The following GAB2 variants were observed in gnomAD, a reference collection of about 807,000 sequenced individuals.
The protein encoded by GAB2 is GRB2 associated binding protein 2, also known as GRB2-associated-binding protein 2.
In GAB2, 26 loss-of-function variants were observed where a neutral mutation model predicts 65.5. The observed-to-expected ratio is 0.40, with a 90% CI of 0.29 to 0.55. GAB2 has a LOEUF of 0.55. GAB2 is among the 20% of genes least tolerant of loss of function. The pLI, the probability that GAB2 is intolerant of heterozygous loss-of-function variation, is 0.53. For synonymous variants in GAB2, 321 were observed against 329.6 expected, an observed-to-expected ratio of 0.97 and a Z score of 0.28; for missense variants, 884 against 875.8, an observed-to-expected ratio of 1.01 and a Z score of -0.12.
chr11:78,242,608 A>G (rs1423065186), intron 3 of GAB2, among the ~76,000 whole-genome samples: 1 of 152,242 alleles, frequency 6.6e-6, no homozygotes, highest in Admixed American at 6.5e-5. Context: ...AGCAGTATTA[A>G]TAGAGAAGTT....
At chr11:78,335,922 T>G (rs568209039) in intron 1 of GAB2, among the ~76,000 whole-genome samples, 2 of 152,212 alleles carry the variant, frequency 1.3e-5, no homozygotes, top group Non-Finnish European at 2.9e-5. Flanking sequence ...CAGTGTCTTA[T>G]AGTTTTCATT....
intron 1 of GAB2, among the ~76,000 whole-genome samples, chr11:78,361,199 T>C (rs373379503): frequency 1.3e-5 from 2 of 152,270 alleles, no homozygotes; most frequent in Admixed American, 6.5e-5. Flanking sequence ...CCTCTAAGCA[T>C]AGATCAGGAA....
chr11:78,267,275 A>C (rs1590981597), intron 2 of GAB2, among the ~76,000 whole-genome samples: 1 of 152,206 alleles, frequency 6.6e-6, no homozygotes. Context: ...GCTGGGATGC[A>C]GGGGGCCTGG....
chr11:78,296,901 T>G (rs1866844861), intron 1 of GAB2, among the ~76,000 whole-genome samples: 1 of 152,220 alleles, frequency 6.6e-6, no homozygotes, highest in South Asian at 2.1e-4. Context: ...TTCTAACAGA[T>G]GGTGGAGGGG....
chr11:78,296,827 T>A (rs4627115), intron 1 of GAB2, among the ~76,000 whole-genome samples: 17 of 152,112 alleles, frequency 1.1e-4, no homozygotes, highest in African/African-American at 4.1e-4. Context: ...CAGTCCACAG[T>A]GCTGGAGGCT....
chr11:78,362,731 C>G (rs546287367), intron 1 of GAB2, among the ~76,000 whole-genome samples: 10 of 152,174 alleles, frequency 6.6e-5, no homozygotes, highest in African/African-American at 2.4e-4. Context: ...TTTAAAGATA[C>G]ACCTAAAATA....
chr11:78,390,529 C>T (rs1280343738), intron 1 of GAB2, among the ~76,000 whole-genome samples: 1 of 152,184 alleles, frequency 6.6e-6, no homozygotes, highest in East Asian at 1.9e-4. Flanking sequence ...GCGGAGGTTG[C>T]AGCAAGTCAA....
At chr11:78,347,303 G>T (rs930380396) in intron 1 of GAB2, among the ~76,000 whole-genome samples, 3 of 152,118 alleles carry the variant, frequency 2.0e-5, no homozygotes, top group Non-Finnish European at 2.9e-5. Flanking sequence ...AATGTCCTCC[G>T]AGTGTCAACT....
chr11:78,281,773 A>C (rs1221154870), intron 1 of GAB2, among the ~76,000 whole-genome samples: 1 of 152,216 alleles, frequency 6.6e-6, no homozygotes, highest in Non-Finnish European at 1.5e-5. Flanking sequence ...TTAGATGATG[A>C]CACTTTAGAG....
At chr11:78,406,122 G>T (rs1451290834) in intron 1 of GAB2, among the ~76,000 whole-genome samples, 11 of 152,138 alleles carry the variant, frequency 7.2e-5, no homozygotes, top group Admixed American at 7.2e-4. Context: ...TGGTAATAAG[G>T]CACCCATCCC....
At position 78,222,167 on chromosome 11, in the gene GAB2, G is replaced by C; in HGVS notation, c.1596C>G (p.Asn532Lys). ...AGGGGAGTTCATCGATGACGGTGTT[G>C]TTCCTCAGGTCAAGTGGTGTTGGCT... The part of the protein sequence containing the change: ...KAKPTPLDLR[N>K]NTVIDELPFK... Residue 532 changes from asparagine to lysine, a missense_variant, in exon 7 of 10, where the codon AAC becomes AAG. Physicochemically the swap from Asn to Lys is moderately conservative, Grantham distance 94. Transcript: ENST00000361507. 2 of 1,613,964 alleles carry C rather than the reference G, an allele frequency of 1.2e-6. No homozygotes were observed. Among genetic ancestry groups the C allele is most frequent in the Non-Finnish European group, 1.7e-6 (2 of 1,179,812 alleles).
intron 1 of GAB2, among the ~76,000 whole-genome samples, chr11:78,285,902 A>C (rs1866467216): frequency 6.6e-6 from 1 of 152,156 alleles, no homozygotes; most frequent in African/African-American, 2.4e-5. Flanking sequence ...AATGCTTTTT[A>C]TGTTCTTTTC....
rs148649451 is a variant in GAB2 at position 78,382,348 on chromosome 11, C to G, written c.75+35298G>C. On this transcript the variant is annotated intron_variant, in intron 1 of 9. Coordinates refer to ENST00000361507, the MANE Select transcript of GAB2 (RefSeq NM_080491.3). ...AAAAGCCTACAATTCCTTGGCCCCC[C>G]CTTCTGCTGGAGCAATATTCTTTTT... Among the ~76,000 whole-genome samples, 287 of 152,118 alleles carry G rather than the reference C, an allele frequency of 1.9e-3. 3 individuals carry two copies. The highest frequency in any genetic ancestry group is 6.8e-3 in the Middle Eastern group (2 of 292).
chr11:78,266,060 C>G (rs1243999547), intron 2 of GAB2, among the ~76,000 whole-genome samples: 1 of 151,354 alleles, frequency 6.6e-6, no homozygotes, highest in Non-Finnish European at 1.5e-5. Flanking sequence ...ACTAAAAATA[C>G]AAAAATTTGC....
At chr11:78,414,165 G>A (rs140462651) in intron 1 of GAB2, among the ~76,000 whole-genome samples, 55 of 150,964 alleles carry the variant, frequency 3.6e-4, no homozygotes, top group African/African-American at 1.2e-3. Context: ...GCCATTCATC[G>A]TACGTACAGA....
At chr11:78,229,209 GGAT>G (rs1265489905) in intron 3 of GAB2, among the ~76,000 whole-genome samples, 1 of 152,136 alleles carries the variant, frequency 6.6e-6, no homozygotes, top group African/African-American at 2.4e-5. Flanking sequence ...GAGTCTGGAA[GGAT>G]GAGCCACAAC....
At chr11:78,222,043 A>T (rs755946275) in intron 7 of GAB2, 62 bp downstream of exon 7, 56 of 1,049,692 alleles carry the variant, frequency 5.3e-5, no homozygotes, top group South Asian at 2.6e-4. Flanking sequence ...GCCAGCTACC[A>T]CATCACTCAT....
At chr11:78,413,309 C>T (rs957454366) in intron 1 of GAB2, among the ~76,000 whole-genome samples, 4 of 152,148 alleles carry the variant, frequency 2.6e-5, no homozygotes, top group African/African-American at 9.7e-5. Context: ...AAAGGAGCTT[C>T]AACCTTTAAG....
chr11:78,291,102 C>T (rs1179466274), intron 1 of GAB2, among the ~76,000 whole-genome samples: 8 of 151,910 alleles, frequency 5.3e-5, no homozygotes, highest in Admixed American at 5.2e-4. Flanking sequence ...TGTTTGTTGA[C>T]TCCTGGCCTA....
Sources: gnomAD v4.1 joint callset for allele counts (sites outside exome capture counted in the v4.1 genomes callset) on GRCh38, gnomAD v4.1.1 for gene constraint, MANE v1.5 for transcripts, NCBI Gene and HGNC (gene_info 2026-07-23, HGNC 2026-07-21) for gene names.